Variants in SH3BP5 observed in about 807,000 individuals in gnomAD.
SH3BP5 encodes SH3 domain-binding protein 5.
In SH3BP5, 22 loss-of-function variants were observed where a neutral mutation model predicts 43.3. That is an observed-to-expected ratio of 0.51 (90% confidence interval 0.36 to 0.73). SH3BP5 has a LOEUF of 0.73. SH3BP5 is among the 30% of genes least tolerant of loss of function. The pLI is 0.00. For synonymous variants in SH3BP5, 255 were observed against 225.8 expected (o/e 1.13, Z -1.16); for missense variants, 529 against 586.9 (o/e 0.90, Z 1.02).
intron 4 of SH3BP5, among the ~76,000 whole-genome samples, chr3:15,262,993 A>T (rs780252071): frequency 6.6e-6 from 1 of 152,164 alleles, no homozygotes; most frequent in South Asian, 2.1e-4. Flanking sequence ...CTATATCTAG[A>T]TATATATTTG....
chr3:15,310,604 T>C (rs1241234337), intron 2 of SH3BP5, among the ~76,000 whole-genome samples: 1 of 152,106 alleles, frequency 6.6e-6, no homozygotes, highest in African/African-American at 2.4e-5. Context: ...TACAAACTTA[T>C]CTGAGAGAGC....
At chr3:15,324,406 C>G (rs549937094) in intron 2 of SH3BP5, among the ~76,000 whole-genome samples, 56 of 152,328 alleles carry the variant, frequency 3.7e-4, no homozygotes, top group Admixed American at 6.5e-4. Flanking sequence ...GTTGACCACC[C>G]TGGTCCCCAG....
At position 15,263,967 on chromosome 3, in the gene SH3BP5, C is replaced by A. The variant is rs190852955; in HGVS notation, c.496-1678G>T. On this transcript the variant is annotated intron_variant, in intron 4 of 8. Coordinates refer to ENST00000383791, the MANE Select transcript of SH3BP5 (RefSeq NM_004844.5). ...ATGGTCACTAGTCAGCTCTCTCAGA[C>A]CCCGTAGAACAATTTTAGGGAGGTA... Among the ~76,000 whole-genome samples the A allele has an allele frequency of 3.9e-5, 6 of 152,290 alleles. No homozygotes were observed. In the South Asian group the frequency reaches 1.2e-3, roughly 32 times the overall value.
chr3:15,309,451 T>C (rs1272975109), intron 2 of SH3BP5, among the ~76,000 whole-genome samples: 1 of 152,186 alleles, frequency 6.6e-6, no homozygotes, highest in Non-Finnish European at 1.5e-5. Context: ...GGCATGATCA[T>C]ATCACACTGT....
chr3:15,260,328 C>G (rs986262918), intron 5 of SH3BP5: 5 of 160,486 alleles, frequency 3.1e-5, no homozygotes, highest in African/African-American at 1.2e-4. Flanking sequence ...GGTTGGTCCT[C>G]CCAAACCTTG....
rs151190410 is a variant in SH3BP5 at position 15,284,144 on chromosome 3, G to A, written c.331-14267C>T. On this transcript the variant is annotated intron_variant, in intron 3 of 8. Coordinates refer to ENST00000383791, the MANE Select transcript of SH3BP5 (RefSeq NM_004844.5). ...CAGTGAACCAGCTGCTCCTCTGGCC[G>A]TGCTTAAGTAAGCTTCACTGAAGCT... Among the ~76,000 whole-genome samples, 1,414 of 152,218 alleles carry A rather than the reference G, an allele frequency of 9.3e-3. 26 individuals are homozygous for A. Among genetic ancestry groups the A allele is most frequent in the African/African-American group, 0.03 (1,265 of 41,522 alleles).
chr3:15,277,167 G>A (rs533333559), intron 3 of SH3BP5, among the ~76,000 whole-genome samples: 9 of 152,028 alleles, frequency 5.9e-5, no homozygotes, highest in South Asian at 2.1e-4. Flanking sequence ...TAGATACAAC[G>A]GGGTTTCACC....
At chr3:15,296,694 C>CCTTTTTT (rs1697582678) in intron 3 of SH3BP5, among the ~76,000 whole-genome samples, 1 of 124,968 alleles carries the variant, frequency 8.0e-6, no homozygotes, top group Non-Finnish European at 1.6e-5. Flanking sequence ...AGTGTTTTTC[C>CCTTTTTT]TTTTTTTTTT....
At chr3:15,281,276 A>G (rs2125080976) in intron 3 of SH3BP5, among the ~76,000 whole-genome samples, 1 of 152,298 alleles carries the variant, frequency 6.6e-6, no homozygotes, top group Non-Finnish European at 1.5e-5. Flanking sequence ...ACAAGAACAC[A>G]TTTTGATGCC....
In SH3BP5 at chr3:15,332,553, C is replaced by A. The variant is rs1698643256; in HGVS notation, c.-145G>T. The A allele has an allele frequency of 4.0e-6, 5 of 1,235,038 alleles. No individual in the cohort carries two copies. The African/African-American group carries it at 4.7e-5, about 12-fold the overall frequency. 76.5% of individuals were successfully genotyped at this position (1,235,038 alleles called of 1,614,324 possible). The stretch of plus-strand genomic sequence containing the variant: ...CCGACACCCGGGAGACGCAGCTCGC[C>A]GATGCGGATACCTCCGGCCGCGGCG... On this transcript the variant is annotated 5_prime_UTR_variant, in exon 1 of 9. Coordinates refer to ENST00000383791, the MANE Select transcript of SH3BP5 (RefSeq NM_004844.5).
chr3:15,307,706 C>T (rs1697947755), intron 2 of SH3BP5, among the ~76,000 whole-genome samples: 1 of 152,254 alleles, frequency 6.6e-6, no homozygotes, highest in African/African-American at 2.4e-5. Context: ...ACACGGTGGA[C>T]ATAATAACCT....
intron 3 of SH3BP5, among the ~76,000 whole-genome samples, chr3:15,296,278 A>G (rs1697566093): frequency 6.7e-6 from 1 of 148,336 alleles, no homozygotes; most frequent in African/African-American, 2.6e-5. Context: ...TTTCTTTGCC[A>G]ATCCCCTGAC....
At position 15,332,516 on chromosome 3, in the gene SH3BP5, G is replaced by C; in HGVS notation, c.-108C>G. The C allele has an allele frequency of 2.4e-6, 3 of 1,262,340 alleles. No homozygotes were observed. The highest frequency in any genetic ancestry group is 3.0e-6 in the Non-Finnish European group (3 of 1,007,794). The allele number at this position is 1,262,340 out of a possible 1,614,324, so 78.2% of individuals were successfully genotyped here. A position where few individuals can be genotyped will look rare whatever the true frequency, so the allele number is the denominator to read the frequency against. ...CTCGCCACAGCCGGGCACGGTCGGGGAGCCGCCGGGGCCGACACCCGGGAG... is the reference window on the plus strand; with the variant it reads ...CTCGCCACAGCCGGGCACGGTCGGGCAGCCGCCGGGGCCGACACCCGGGAG... On this transcript the variant is annotated 5_prime_UTR_variant, in exon 1 of 9. Coordinates refer to ENST00000383791, the MANE Select transcript of SH3BP5 (RefSeq NM_004844.5).
intron 3 of SH3BP5, among the ~76,000 whole-genome samples, chr3:15,285,774 C>G (rs1415763440): frequency 6.6e-6 from 1 of 152,244 alleles, no homozygotes; most frequent in Non-Finnish European, 1.5e-5. Context: ...CCCACCTCCT[C>G]CACGTTTCAG....
At chr3:15,324,448 T>C (rs976998076) in intron 2 of SH3BP5, among the ~76,000 whole-genome samples, 1 of 152,166 alleles carries the variant, frequency 6.6e-6, no homozygotes, top group African/African-American at 2.4e-5. Context: ...CAGGAAGGCC[T>C]CCAGGCCAAT....
chr3:15,271,945 C>T (rs1270085317), intron 3 of SH3BP5, among the ~76,000 whole-genome samples: 1 of 151,906 alleles, frequency 6.6e-6, no homozygotes. Context: ...CAGCGTCCCA[C>T]CACCCTCCCT....
intron 4 of SH3BP5, among the ~76,000 whole-genome samples, chr3:15,262,787 G>A (rs960439016): frequency 5.9e-5 from 9 of 152,100 alleles, no homozygotes; most frequent in African/African-American, 1.4e-4. Flanking sequence ...GCAAAACCCC[G>A]TCTCTACTAA....
At chr3:15,340,913 A>G (rs1043250102) in intron 1 of SH3BP5, among the ~76,000 whole-genome samples, 1 of 151,728 alleles carries the variant, frequency 6.6e-6, no homozygotes, top group Non-Finnish European at 1.5e-5. Flanking sequence ...TCAGCTGGGC[A>G]TGGTGGTGCA....
chr3:15,317,217 T>C (rs547922060), intron 2 of SH3BP5, among the ~76,000 whole-genome samples: 20 of 152,336 alleles, frequency 1.3e-4, no homozygotes, highest in Admixed American at 5.9e-4. Flanking sequence ...ACTTTATAAT[T>C]AGCACAAGTC....
Sources: allele counts gnomAD v4.1 joint callset (sites outside exome capture counted in the v4.1 genomes callset), GRCh38; gene constraint gnomAD v4.1.1; transcripts MANE v1.5; gene names NCBI Gene and HGNC (gene_info 2026-07-23, HGNC 2026-07-21).